The following BOLL variants were observed in gnomAD, a reference collection of about 807,000 sequenced individuals.
The protein encoded by BOLL is protein boule-like.
Under a neutral mutation model 44.4 loss-of-function variants are expected in BOLL, and 23 were observed. The ratio of observed to expected loss-of-function variants is 0.52; its 90% CI spans 0.37 to 0.73. BOLL has a LOEUF of 0.73. Among genes scored for constraint, BOLL ranks in the 30% least tolerant of loss-of-function variants. The probability of loss-of-function intolerance (pLI) is 0.00; values close to 1 mark genes in which losing one functional copy is unlikely to be tolerated. For synonymous variants in BOLL, 97 were observed against 110.8 expected (o/e 0.88, Z 0.78); for missense variants, 287 against 338.3 (o/e 0.85, Z 1.19).
intron 9 of BOLL, among the ~76,000 whole-genome samples, chr2:197,748,584 C>T (rs770667): frequency 0.49 from 75,143 of 152,046 alleles, 19,219 homozygotes; most frequent in African/African-American, 0.6. Context: ...CTTGAGTAAG[C>T]GGTTTTCCAC....
Position 197,746,697 on chromosome 2 carries a change from C to T in BOLL, c.730-3538G>A, listed in dbSNP as rs1034032180. Among the ~76,000 whole-genome samples the T allele has an allele frequency of 2.3e-4, 35 of 151,808 alleles. 1 individual carries two copies. Among genetic ancestry groups the T allele is most frequent in the Admixed American group, 2.0e-3 (31 of 15,232 alleles). The stretch of plus-strand genomic sequence containing the variant: ...CAGGCGGATCATGAGGTCAAGAAAT[C>T]GAGACCATCCTGGCCAACATGGTGA... On this transcript the variant is annotated intron_variant, in intron 9 of 10. Coordinates refer to ENST00000392296, the MANE Select transcript of BOLL (RefSeq NM_033030.6).
chr2:197,784,833 GA>G (rs1430745922), intron 1 of BOLL: 14 of 987,372 alleles, frequency 1.4e-5, no homozygotes, highest in South Asian at 4.7e-5. Flanking sequence ...AAGAAAGCCT[GA>G]AATTCCACTA....
In BOLL at chr2:197,728,341, A is replaced by C; in HGVS notation, c.*214T>G. ...TTAGCACATAAAAAACCAACATGCC[A>C]CATCTACCTAAATAATTTTGTAGAA... On this transcript the variant is annotated 3_prime_UTR_variant, in exon 11 of 11. Transcript: ENST00000392296. The C allele has an allele frequency of 1.5e-6, 1 of 663,912 alleles. No individual in the cohort carries two copies. Among genetic ancestry groups the C allele is most frequent in the Non-Finnish European group, 2.6e-6 (1 of 392,098 alleles). The allele number at this position is 663,912 out of a possible 1,614,324, so 41.1% of individuals were successfully genotyped here. A position where few individuals can be genotyped will look rare whatever the true frequency, so the allele number is the denominator to read the frequency against.
chr2:197,743,019 A>G, intron 10 of BOLL, 42 bp downstream of exon 10: 9 of 1,444,692 alleles, frequency 6.2e-6, no homozygotes, highest in Non-Finnish European at 8.5e-6. Flanking sequence ...TTGAAATATG[A>G]TGGAAGAAAA....
intron 7 of BOLL, chr2:197,759,052 G>C (rs775913934): frequency 9.0e-6 from 13 of 1,438,968 alleles, no homozygotes; most frequent in Non-Finnish European, 5.7e-6. Flanking sequence ...TGGCTGACCA[G>C]AGATGCCTAG....
Position 197,727,083 on chromosome 2 carries a change from T to G in BOLL, c.*1472A>C, listed in dbSNP as rs1686878049. The G allele has an allele frequency of 6.6e-6, 1 of 152,440 alleles. No individual in the cohort carries two copies. Among genetic ancestry groups the G allele is most frequent in the Admixed American group, 6.5e-5 (1 of 15,288 alleles). 9.4% of individuals were successfully genotyped at this position (152,440 alleles called of 1,614,324 possible). A position where few individuals can be genotyped will look rare whatever the true frequency, so the allele number is the denominator to read the frequency against. ...TGAAATTTCATTGTGGGACTTAATC[T>G]ATTTACATTCCTAAAACTGAGAATA... On this transcript the variant is annotated 3_prime_UTR_variant, in exon 11 of 11. Coordinates refer to ENST00000392296, the MANE Select transcript of BOLL (RefSeq NM_033030.6).
At chr2:197,765,646 TTAAC>T (rs1688960220) in intron 7 of BOLL, among the ~76,000 whole-genome samples, 1 of 151,984 alleles carries the variant, frequency 6.6e-6, no homozygotes, top group Non-Finnish European at 1.5e-5. Flanking sequence ...CTACCAAGGA[TTAAC>T]TATCTCTTTT....
chr2:197,736,940 G>A (rs1334320738), intron 10 of BOLL, among the ~76,000 whole-genome samples: 1 of 151,730 alleles, frequency 6.6e-6, no homozygotes, highest in Non-Finnish European at 1.5e-5. Flanking sequence ...TTTACATTCT[G>A]GAAGAATTAA....
At chr2:197,749,512 T>C (rs1353224861) in intron 9 of BOLL, among the ~76,000 whole-genome samples, 1 of 151,866 alleles carries the variant, frequency 6.6e-6, no homozygotes, top group Non-Finnish European at 1.5e-5. Context: ...AACTGCCAAC[T>C]AGAATAGCTA....
chr2:197,731,680 A>G (rs1371238658), intron 10 of BOLL, among the ~76,000 whole-genome samples: 1 of 151,864 alleles, frequency 6.6e-6, no homozygotes, highest in Non-Finnish European at 1.5e-5. Flanking sequence ...CTGCTCAAAT[A>G]CATGGAAACT....
At chr2:197,732,315 T>A (rs962426168) in intron 10 of BOLL, among the ~76,000 whole-genome samples, 2 of 152,018 alleles carry the variant, frequency 1.3e-5, no homozygotes, top group Non-Finnish European at 2.9e-5. Flanking sequence ...GTGGCAATAA[T>A]CAATAGCTTA....
intron 10 of BOLL, among the ~76,000 whole-genome samples, chr2:197,728,998 CG>C (rs951823161): frequency 1.3e-5 from 2 of 152,296 alleles, no homozygotes; most frequent in African/African-American, 2.4e-5. Flanking sequence ...GGAACAGCTC[CG>C]GTCTACAGCT....
intron 6 of BOLL, among the ~76,000 whole-genome samples, chr2:197,768,942 C>T (rs997367291): frequency 2.0e-5 from 3 of 151,148 alleles, no homozygotes; most frequent in African/African-American, 7.3e-5. Context: ...GTCGTTGGGT[C>T]TGTTTATGTG....
At position 197,773,229 on chromosome 2, in the gene BOLL, A is replaced by G. The variant is rs115837382; in HGVS notation, c.353-1247T>C. 6.1e-3 allele frequency among the ~76,000 whole-genome samples: 925 copies of G among 151,978 alleles called. 16 individuals are homozygous for G. Among genetic ancestry groups the G allele is most frequent in the African/African-American group, 0.021 (863 of 41,484 alleles). The stretch of plus-strand genomic sequence containing the variant: ...GATTCCCCCCAAAAGATATTCCACT[A>G]TTATTCAAAGATAATGATAATGGTT... On this transcript the variant is annotated intron_variant, in intron 5 of 10. Transcript: ENST00000392296.
chr2:197,764,591 G>A (rs1688905313), intron 7 of BOLL, among the ~76,000 whole-genome samples: 1 of 152,084 alleles, frequency 6.6e-6, no homozygotes, highest in African/African-American at 2.4e-5. Context: ...CTTTTTCACT[G>A]CCTTCCAAAC....
Position 197,753,649 on chromosome 2 carries a change from A to T in BOLL, c.729+2779T>A, listed in dbSNP as rs113204563. ...AGTCAGGAAACAACAGATGCTGGAG[A>T]GGATGTGGAGAAATAGGCATGCTTT... On this transcript the variant is annotated intron_variant, in intron 9 of 10. Transcript: ENST00000392296. 5.9e-5 allele frequency among the ~76,000 whole-genome samples: 9 copies of T among 152,322 alleles called. 1 individual carries two copies. The highest frequency in any genetic ancestry group is 2.2e-4 in the African/African-American group (9 of 41,576).
At chr2:197,735,556 T>A (rs951909495) in intron 10 of BOLL, among the ~76,000 whole-genome samples, 1 of 152,142 alleles carries the variant, frequency 6.6e-6, no homozygotes, top group Non-Finnish European at 1.5e-5. Context: ...GAATAAGGTG[T>A]ATAGTTTAGA....
intron 1 of BOLL, 77 bp from the exon 2 acceptor site, chr2:197,781,942 A>T: frequency 7.6e-7 from 1 of 1,313,830 alleles, no homozygotes; most frequent in Non-Finnish European, 1.0e-6. Context: ...AAAAACATAT[A>T]TTTTTCAAAA....
chr2:197,776,958 C>T, intron 4 of BOLL, 101 bp downstream of exon 4: 1 of 926,018 alleles, frequency 1.1e-6, no homozygotes, highest in Non-Finnish European at 1.6e-6. Flanking sequence ...AGATGCAAAC[C>T]TTTTTTAAAA....
Sources: allele counts gnomAD v4.1 joint callset (sites outside exome capture counted in the v4.1 genomes callset), GRCh38; gene constraint gnomAD v4.1.1; transcripts MANE v1.5; gene names NCBI Gene and HGNC (gene_info 2026-07-23, HGNC 2026-07-21).